Variants in NUMA1 observed in about 807,000 individuals in gnomAD.
NUMA1 encodes the protein nuclear mitotic apparatus protein 1.
NUMA1 carries 62 observed loss-of-function variants against 237.1 expected under a neutral mutation model. That is an observed-to-expected ratio of 0.26 (90% CI 0.21 to 0.32). The LOEUF (loss-of-function observed/expected upper bound fraction) is 0.32. Ranked by LOEUF, NUMA1 falls within the 10% of genes least tolerant of loss-of-function variation. The pLI is 1.00. For synonymous variants in NUMA1, 1,028 were observed against 1,066.1 expected (o/e 0.96, Z 0.70); for missense variants, 2,533 against 2,666.5 (o/e 0.95, Z 1.10).
intron 24 of NUMA1, 108 bp from the exon 25 acceptor site, chr11:72,004,449 C>T: frequency 6.5e-6 from 8 of 1,232,922 alleles, no homozygotes; most frequent in Non-Finnish European, 9.4e-6. Flanking sequence ...AACGTGCAAC[C>T]TGCTCCCCTT....
At chr11:72,071,113 C>T (rs1943431213) in intron 1 of NUMA1, among the ~76,000 whole-genome samples, 1 of 152,188 alleles carries the variant, frequency 6.6e-6, no homozygotes, top group South Asian at 2.1e-4. Context: ...ATGGGAAGCC[C>T]AAATCACAGC....
At chr11:72,018,066 G>A in intron 12 of NUMA1, 117 bp downstream of exon 12, 1 of 966,668 alleles carries the variant, frequency 1.0e-6, no homozygotes, top group Non-Finnish European at 1.7e-6. Context: ...GCAGGTCTCT[G>A]GAGAGACTGA....
At chr11:72,045,944 G>A (rs901829286) in intron 2 of NUMA1, among the ~76,000 whole-genome samples, 17 of 152,216 alleles carry the variant, frequency 1.1e-4, no homozygotes, top group African/African-American at 4.1e-4. Context: ...CGTACAAGAG[G>A]TCTCCCCAGC....
At chr11:72,058,040 C>T (rs1591059301) in intron 2 of NUMA1, among the ~76,000 whole-genome samples, 1 of 151,550 alleles carries the variant, frequency 6.6e-6, no homozygotes, top group African/African-American at 2.4e-5. Context: ...CACTGCATTA[C>T]AGCCTGGGCA....
In NUMA1 at chr11:72,015,774, T is replaced by G. The variant is rs1426572908; in HGVS notation, c.1729A>C (p.Thr577Pro). ...LKEVAEKQEA[T>P]RQDHAQQLAT... Reference sequence around the variant, plus strand: ...AGTTGCTGGGCATGGTCCTGCCTAGTTGCCTCCTGCTTCTCCGCTACCTCC... The same window carrying G: ...AGTTGCTGGGCATGGTCCTGCCTAGGTGCCTCCTGCTTCTCCGCTACCTCC... The change falls in exon 15 of 27, where the codon ACT becomes CCT. Residue 577 changes from threonine to proline, a missense_variant. Transcript: ENST00000393695. This position sits in a 1 kb window ranked among gnomAD's most constrained non-coding sequence, Gnocchi z 4.0. 1 of 1,614,232 alleles carries G rather than the reference T, an allele frequency of 6.2e-7. No homozygotes were observed. The highest frequency in any genetic ancestry group is 2.2e-5 in the East Asian group (1 of 44,882).
At chr11:72,032,284 T>C (rs1310686094) in intron 3 of NUMA1, among the ~76,000 whole-genome samples, 1 of 152,192 alleles carries the variant, frequency 6.6e-6, no homozygotes, top group Non-Finnish European at 1.5e-5. Context: ...ATATTTTTAC[T>C]GTCTTTTGAA....
At chr11:72,004,412 C>G in intron 24 of NUMA1, 71 bp from the exon 25 acceptor site, 1 of 1,430,048 alleles carries the variant, frequency 7.0e-7, no homozygotes, top group Non-Finnish European at 9.8e-7. Flanking sequence ...GTCTTGTCCT[C>G]TCAGAGCTGA....
At chr11:72,018,788 C>T in intron 10 of NUMA1, 35 bp downstream of exon 10, 1 of 1,596,678 alleles carries the variant, frequency 6.3e-7, no homozygotes. Context: ...TCCGGCAAGT[C>T]TATTCACACA....
chr11:72,072,430 CT>C (rs552749520), intron 1 of NUMA1: 81 of 154,480 alleles, frequency 5.2e-4, no homozygotes, highest in Non-Finnish European at 1.0e-3. Flanking sequence ...CAGTCCTCAG[CT>C]GCAATAAGGC....
chr11:72,005,782 C>T (rs1178497889), intron 22 of NUMA1: 5 of 544,896 alleles, frequency 9.2e-6, no homozygotes, highest in African/African-American at 1.9e-5. Context: ...TGGAGGACTC[C>T]CCACAGCTAA....
At position 72,015,433 on chromosome 11, in the gene NUMA1, T is replaced by C; in HGVS notation, c.2070A>G (p.Lys690=). The C allele has an allele frequency of 6.2e-7, 1 of 1,612,044 alleles. No homozygotes were observed. The highest frequency in any genetic ancestry group is 1.3e-5 in the African/African-American group (1 of 75,062). ...GGTCCTTCTCCTGGGCCACCCTTTC[T>C]TTCTCAGTTGCTTTTTGCTGCTCAG... ...LRSEQQKATE[K]ERVAQEKDQL... Residue 690 remains lysine (K), a synonymous_variant, in exon 15 of 27, where the codon AAA becomes AAG. Coordinates refer to ENST00000393695, the MANE Select transcript of NUMA1 (RefSeq NM_006185.4). This position sits in a 1 kb window ranked among gnomAD's most constrained non-coding sequence, Gnocchi z 4.0.
chr11:72,003,583 T>C, intron 26 of NUMA1, 45 bp from the exon 27 acceptor site: 1 of 1,613,102 alleles, frequency 6.2e-7, no homozygotes, highest in African/African-American at 1.3e-5. Flanking sequence ...CTTGCGATAC[T>C]AGCCTGCACC....
chr11:72,028,769 G>C (rs188835041), intron 4 of NUMA1, among the ~76,000 whole-genome samples: 10 of 152,330 alleles, frequency 6.6e-5, no homozygotes, highest in Admixed American at 6.5e-4. Flanking sequence ...GAGATTTCTA[G>C]GTGTTTCTTC....
chr11:72,030,879 CT>C (rs1468641061), intron 3 of NUMA1, among the ~76,000 whole-genome samples: 1 of 152,216 alleles, frequency 6.6e-6, no homozygotes, highest in Non-Finnish European at 1.5e-5. Context: ...TTGTTACAAA[CT>C]TTATTTCTCT....
intron 2 of NUMA1, chr11:72,040,485 CACACACACACACACACACACACACACTG>C (rs1941544758): frequency 1.3e-5 from 2 of 150,978 alleles, no homozygotes; most frequent in Non-Finnish European, 1.4e-5. Context: ...CACACACACA[CACACACACACACACACACACACACACTG>C]ACCTGGGCCC....
rs191701601 is a variant in NUMA1, at chr11:72,040,436, G to A, written c.-32-4461C>T. Among the ~76,000 whole-genome samples, 525 of 144,458 alleles carry A rather than the reference G, an allele frequency of 3.6e-3. 7 individuals carry two copies. The highest frequency in any genetic ancestry group is 0.013 in the African/African-American group (506 of 38,816). 94.8% of individuals were successfully genotyped at this position (144,458 alleles called of 152,430 possible). ...CTGCAGCCATGTATTGTACTGGGGC[G>A]CGTACACATACACACACACACACAC... On this transcript the variant is annotated intron_variant, in intron 2 of 26. Transcript: ENST00000393695.
Position 72,021,301 on chromosome 11 carries a change from AG to A in NUMA1, c.373-11del. 1 of 1,613,210 alleles carries A rather than the reference AG, an allele frequency of 6.2e-7. No individual in the cohort carries two copies. The highest frequency in any genetic ancestry group is 8.5e-7 in the Non-Finnish European group (1 of 1,179,232). On this transcript the variant is annotated splice_polypyrimidine_tract_variant and intron_variant, in intron 7 of 26. Coordinates refer to ENST00000393695, the MANE Select transcript of NUMA1 (RefSeq NM_006185.4). ...TGACAGCCAACTCAGCCTGGGCCAC[AG>A]GGAGAAAAAGAGCATCACTTAGGTG...
chr11:72,018,691 G>A, intron 10 of NUMA1, 132 bp downstream of exon 10: 1 of 1,185,702 alleles, frequency 8.4e-7, no homozygotes, highest in Non-Finnish European at 1.2e-6. Flanking sequence ...TAGCTTCCAG[G>A]AGGTCAGCCT....
At chr11:72,049,215 T>G (rs528566235) in intron 2 of NUMA1, among the ~76,000 whole-genome samples, 3 of 152,116 alleles carry the variant, frequency 2.0e-5, no homozygotes, top group African/African-American at 7.2e-5. Flanking sequence ...AACACAGAAC[T>G]AATTATAAGA....
Sources: allele counts gnomAD v4.1 joint callset (sites outside exome capture counted in the v4.1 genomes callset), GRCh38; gene constraint gnomAD v4.1.1; non-coding constraint Gnocchi (gnomAD v3.1); transcripts MANE v1.5; gene names NCBI Gene and HGNC (gene_info 2026-07-23, HGNC 2026-07-21).